The following CASR variants were observed in gnomAD, a reference collection of about 807,000 sequenced individuals.
CASR encodes calcium sensing receptor.
A neutral mutation model predicts 69.1 loss-of-function variants in CASR; 23 were observed. The ratio of observed to expected loss-of-function variants is 0.33; its 90% CI spans 0.24 to 0.47. The LOEUF (loss-of-function observed/expected upper bound fraction) is 0.47. Ranked by LOEUF, CASR falls within the 20% of genes least tolerant of loss-of-function variation. The pLI is 1.00. For missense variants in CASR, 924 were observed against 1,356.1 expected (o/e 0.68, Z 5.00); for synonymous variants, 541 against 544.7 (o/e 0.99, Z 0.10).
intron 4 of CASR, among the ~76,000 whole-genome samples, chr3:122,270,608 C>T (rs1007671662): frequency 1.3e-5 from 2 of 152,194 alleles, no homozygotes; most frequent in Non-Finnish European, 2.9e-5. Flanking sequence ...ATTTAAAAAC[C>T]TTTCTTTTCT....
chr3:122,222,423 G>T (rs1366996997), intron 1 of CASR, among the ~76,000 whole-genome samples: 2 of 152,056 alleles, frequency 1.3e-5, no homozygotes, highest in South Asian at 2.1e-4. Flanking sequence ...CTATTTGGGG[G>T]TTACTAGTCT....
At chr3:122,235,272 A>G (rs1478666701) in intron 1 of CASR, among the ~76,000 whole-genome samples, 1 of 152,258 alleles carries the variant, frequency 6.6e-6, no homozygotes, top group African/African-American at 2.4e-5. Context: ...GACGCAAATG[A>G]TAACCACATA....
intron 1 of CASR, among the ~76,000 whole-genome samples, chr3:122,190,805 A>G (rs1456957442): frequency 6.6e-6 from 1 of 152,240 alleles, no homozygotes; most frequent in Non-Finnish European, 1.5e-5. Flanking sequence ...CCCTCTTAAT[A>G]TTAATTCATT....
chr3:122,190,329 A>G (rs1004786216), intron 1 of CASR, among the ~76,000 whole-genome samples: 3 of 152,188 alleles, frequency 2.0e-5, no homozygotes, highest in Non-Finnish European at 4.4e-5. Flanking sequence ...AAAAATGAAA[A>G]TAGTCCAAGT....
intron 3 of CASR, 121 bp downstream of exon 3, chr3:122,257,508 AT>A: frequency 1.4e-6 from 1 of 693,010 alleles, no homozygotes; most frequent in East Asian, 2.7e-5. Context: ...AAGACCTATG[AT>A]TTAGTTGATA....
chr3:122,254,604 T>A (rs1301228982), intron 2 of CASR, among the ~76,000 whole-genome samples: 4 of 152,160 alleles, frequency 2.6e-5, no homozygotes, highest in Non-Finnish European at 5.9e-5. Context: ...GCATGGCCTG[T>A]TAAAGCACCT....
intron 5 of CASR, among the ~76,000 whole-genome samples, chr3:122,278,317 T>C (rs553694219): frequency 6.6e-6 from 1 of 152,332 alleles, no homozygotes; most frequent in Admixed American, 6.5e-5. Context: ...TTGAAGTTGA[T>C]GACACTGAGG....
chr3:122,235,587 T>C (rs1000444137), intron 1 of CASR, among the ~76,000 whole-genome samples: 4 of 152,196 alleles, frequency 2.6e-5, no homozygotes, highest in South Asian at 4.1e-4. Flanking sequence ...AGAAAAGTAA[T>C]AGTATCAGAA....
At chr3:122,265,949 G>A (rs1245862879) in intron 4 of CASR, among the ~76,000 whole-genome samples, 1 of 152,170 alleles carries the variant, frequency 6.6e-6, no homozygotes, top group Non-Finnish European at 1.5e-5. Context: ...GAAGATGGAA[G>A]GGAGATAAGA....
At position 122,290,042 on chromosome 3, in the gene CASR, C is replaced by A. The variant is rs2074998894; in HGVS notation, c.*4851C>A. The A allele has an allele frequency of 6.7e-6, 1 of 148,978 alleles. No individual in the cohort carries two copies. The highest frequency in any genetic ancestry group is 1.5e-5 in the Non-Finnish European group (1 of 67,676). 9.2% of individuals were successfully genotyped at this position (148,978 alleles called of 1,614,324 possible). On this transcript the variant is annotated 3_prime_UTR_variant, in exon 7 of 7. Transcript: ENST00000639785. ...AGGCTGCATTGAGCTGTGATTGCACCACTGCACTCCAGCCTGGGTGACAGA... is the reference window on the plus strand; with the variant it reads ...AGGCTGCATTGAGCTGTGATTGCACAACTGCACTCCAGCCTGGGTGACAGA...
At chr3:122,266,556 C>T (rs1399344464) in intron 4 of CASR, among the ~76,000 whole-genome samples, 1 of 151,956 alleles carries the variant, frequency 6.6e-6, no homozygotes, top group African/African-American at 2.4e-5. Flanking sequence ...TTGGATCTTT[C>T]TACTAGCTTT....
intron 1 of CASR, among the ~76,000 whole-genome samples, chr3:122,187,241 C>A (rs372677426): frequency 3.2e-4 from 48 of 152,260 alleles, no homozygotes; most frequent in Middle Eastern, 3.4e-3. Flanking sequence ...CCATCCCTAG[C>A]CACTGCTCTA....
chr3:122,239,928 TC>T (rs1286745218), intron 1 of CASR, among the ~76,000 whole-genome samples: 3 of 152,044 alleles, frequency 2.0e-5, no homozygotes, highest in Non-Finnish European at 4.4e-5. Flanking sequence ...GAGTTACTGG[TC>T]TTAAAAAACA....
chr3:122,226,163 T>C (rs1005373711), intron 1 of CASR, among the ~76,000 whole-genome samples: 2 of 151,818 alleles, frequency 1.3e-5, no homozygotes, highest in South Asian at 2.1e-4. Flanking sequence ...TCACGGTGAG[T>C]GTTACAGTTC....
At chr3:122,204,749 C>G (rs2073990122) in intron 1 of CASR, among the ~76,000 whole-genome samples, 1 of 151,934 alleles carries the variant, frequency 6.6e-6, no homozygotes, top group African/African-American at 2.4e-5. Context: ...TATTGCCTGT[C>G]TTTTTTATAA....
At chr3:122,237,228 G>A (rs953849257) in intron 1 of CASR, among the ~76,000 whole-genome samples, 7 of 151,012 alleles carry the variant, frequency 4.6e-5, no homozygotes, top group African/African-American at 1.5e-4. Flanking sequence ...TTCTGCCTCA[G>A]CCTCCCAAGT....
chr3:122,224,000 T>G (rs894489976), intron 1 of CASR, among the ~76,000 whole-genome samples: 2 of 152,094 alleles, frequency 1.3e-5, no homozygotes, highest in African/African-American at 4.8e-5. Context: ...CCCTTCATAT[T>G]AAAAAACCCT....
At chr3:122,232,327 T>C (rs2074286285) in intron 1 of CASR, among the ~76,000 whole-genome samples, 3 of 152,126 alleles carry the variant, frequency 2.0e-5, no homozygotes, top group Non-Finnish European at 4.4e-5. Context: ...GCCACGCAGA[T>C]GCAGAGAGCA....
intron 1 of CASR, among the ~76,000 whole-genome samples, chr3:122,209,603 C>G (rs2074041991): frequency 6.6e-6 from 1 of 152,164 alleles, no homozygotes; most frequent in African/African-American, 2.4e-5. Flanking sequence ...TGGGAAAGAC[C>G]TGCCCCCATG....
Sources: allele counts gnomAD v4.1 joint callset (sites outside exome capture counted in the v4.1 genomes callset), GRCh38; gene constraint gnomAD v4.1.1; transcripts MANE v1.5; gene names NCBI Gene and HGNC (gene_info 2026-07-23, HGNC 2026-07-21).